SLCO6A1: variants seen among roughly 807,000 people sequenced by gnomAD.
The protein encoded by SLCO6A1 is solute carrier organic anion transporter family member 6A1.
Under a neutral mutation model 72.7 loss-of-function variants are expected in SLCO6A1, and 65 were observed. That is an observed-to-expected ratio of 0.89 (90% confidence interval 0.73 to 1.10). The LOEUF (loss-of-function observed/expected upper bound fraction) is 1.10. SLCO6A1 is among the 50% of genes least tolerant of loss of function. SLCO6A1 has a pLI of 0.00. For missense variants in SLCO6A1, 874 were observed against 872.6 expected (o/e 1.00, Z -0.02); for synonymous variants, 314 against 298.2 (o/e 1.05, Z -0.55).
chr5:102,412,290 A>T (rs1051236884), intron 9 of SLCO6A1, among the ~76,000 whole-genome samples: 1 of 152,108 alleles, frequency 6.6e-6, no homozygotes, highest in Admixed American at 6.5e-5. Flanking sequence ...GACCACCTTG[A>T]GCACACGTTC....
chr5:102,446,273 TA>T (rs1370882395), intron 6 of SLCO6A1, among the ~76,000 whole-genome samples: 1 of 152,204 alleles, frequency 6.6e-6, no homozygotes, highest in African/African-American at 2.4e-5. Context: ...GTTCTCCTTG[TA>T]CGGATCTTTG....
chr5:102,422,622 C>G (rs1748669502), intron 7 of SLCO6A1, among the ~76,000 whole-genome samples: 1 of 151,996 alleles, frequency 6.6e-6, no homozygotes, highest in Non-Finnish European at 1.5e-5. Flanking sequence ...ATATGGGACT[C>G]TATGAAAAGA....
intron 10 of SLCO6A1, among the ~76,000 whole-genome samples, chr5:102,395,671 T>C (rs1747031893): frequency 6.6e-6 from 1 of 152,216 alleles, no homozygotes; most frequent in Non-Finnish European, 1.5e-5. Context: ...TGTAAAAGTG[T>C]TGCTATTTCT....
intron 9 of SLCO6A1, among the ~76,000 whole-genome samples, chr5:102,400,453 T>C (rs145799844): frequency 0.01 from 1,562 of 152,094 alleles, 29 homozygotes; most frequent in Admixed American, 0.042. Flanking sequence ...GTGTCTAGAG[T>C]CAATGAGATT....
Position 102,498,770 on chromosome 5 carries a change from C to G in SLCO6A1, c.75G>C (p.Ala25=). The G allele has an allele frequency of 6.2e-7, 1 of 1,614,140 alleles. No individual in the cohort carries two copies. The highest frequency in any genetic ancestry group is 8.5e-7 in the Non-Finnish European group (1 of 1,180,024). Residue 25 remains alanine, a synonymous_variant, in exon 1 of 14, where the codon GCG becomes GCC. Transcript: ENST00000506729. ...TCCTGTCCTTAGCAGGCTGGGCCCG[C>G]GCGGCCTCCAGCGGCTCTACTCCCC... is the stretch of plus-strand genomic sequence containing the variant. ...VSRGVEPLEA[A]RAQPAKDRRA...
chr5:102,451,429 C>A (rs751563273), intron 6 of SLCO6A1, among the ~76,000 whole-genome samples: 1 of 152,164 alleles, frequency 6.6e-6, no homozygotes, highest in African/African-American at 2.4e-5. Context: ...TGTGAGAGAA[C>A]CTGGCCTCCT....
intron 7 of SLCO6A1, among the ~76,000 whole-genome samples, chr5:102,436,623 C>T (rs915495764): frequency 2.8e-4 from 43 of 152,108 alleles, no homozygotes; most frequent in African/African-American, 1.0e-3. Flanking sequence ...CTTTGAGCTG[C>T]TAGAAATTTA....
intron 9 of SLCO6A1, among the ~76,000 whole-genome samples, chr5:102,407,499 C>T (rs1056966791): frequency 9.9e-5 from 15 of 152,250 alleles, no homozygotes; most frequent in East Asian, 1.9e-4. Flanking sequence ...AGAACCTTCC[C>T]GGGCTAAGCC....
At chr5:102,460,375 C>T (rs1023489662) in intron 4 of SLCO6A1, among the ~76,000 whole-genome samples, 1 of 152,144 alleles carries the variant, frequency 6.6e-6, no homozygotes, top group Non-Finnish European at 1.5e-5. Flanking sequence ...TCTTCATCTG[C>T]CTTTGTTCAC....
chr5:102,459,880 T>A, intron 4 of SLCO6A1, 103 bp from the exon 5 acceptor site: 27 of 798,854 alleles, frequency 3.4e-5, no homozygotes, highest in Non-Finnish European at 3.9e-5. Flanking sequence ...AGAGGGAGGG[T>A]TGGAGAGTGA....
At chr5:102,420,811 A>G (rs1211156237) in intron 7 of SLCO6A1, among the ~76,000 whole-genome samples, 3 of 152,276 alleles carry the variant, frequency 2.0e-5, no homozygotes, top group East Asian at 3.9e-4. Flanking sequence ...AAAATAAACA[A>G]TTTTAGAATG....
chr5:102,413,950 T>A (rs1748131012), intron 8 of SLCO6A1, among the ~76,000 whole-genome samples: 1 of 152,128 alleles, frequency 6.6e-6, no homozygotes. Context: ...TTTTGTTGGA[T>A]TGCTTATTTT....
intron 4 of SLCO6A1, among the ~76,000 whole-genome samples, chr5:102,472,419 T>G (rs1751675089): frequency 6.6e-6 from 1 of 152,090 alleles, no homozygotes; most frequent in African/African-American, 2.4e-5. Flanking sequence ...TTCCTTCATA[T>G]GAACTCAGAA....
At chr5:102,471,658 C>T (rs948254500) in intron 4 of SLCO6A1, among the ~76,000 whole-genome samples, 2 of 152,026 alleles carry the variant, frequency 1.3e-5, no homozygotes, top group Non-Finnish European at 2.9e-5. Context: ...TCCAATTTAT[C>T]CCTAGCAAGA....
At chr5:102,441,165 A>C (rs1749812176) in intron 6 of SLCO6A1, among the ~76,000 whole-genome samples, 1 of 152,178 alleles carries the variant, frequency 6.6e-6, no homozygotes, top group Non-Finnish European at 1.5e-5. Flanking sequence ...AATCTTGTTT[A>C]ACATTTTCCC....
chr5:102,393,912 C>A lies in SLCO6A1; in HGVS notation c.1815-2867G>T, dbSNP rs75558602. Among the ~76,000 whole-genome samples, 1,101 of 152,292 alleles carry A rather than the reference C, an allele frequency of 7.2e-3. 12 individuals are homozygous for A. Among genetic ancestry groups the A allele is most frequent in the African/African-American group, 0.025 (1,031 of 41,556 alleles). On this transcript the variant is annotated intron_variant, in intron 10 of 13. Transcript: ENST00000506729. ...TTTATACTGAAGCCCTTCACTGCTT[C>A]AGATTTCAGCAAATTTCTCAAGAAG...
intron 7 of SLCO6A1, among the ~76,000 whole-genome samples, chr5:102,434,810 T>C (rs1312681119): frequency 6.6e-6 from 1 of 152,162 alleles, no homozygotes; most frequent in Non-Finnish European, 1.5e-5. Context: ...TAAAAACTAT[T>C]ACTATTTTTT....
At chr5:102,435,790 G>A (rs1430337177) in intron 7 of SLCO6A1, among the ~76,000 whole-genome samples, 2 of 151,808 alleles carry the variant, frequency 1.3e-5, no homozygotes, top group South Asian at 2.1e-4. Flanking sequence ...CAGGAGAATC[G>A]CTTGAACCTG....
rs552229087 is a variant in SLCO6A1 at position 102,414,857 on chromosome 5, G to A, written c.1473-1714C>T. Among the ~76,000 whole-genome samples the A allele has an allele frequency of 4.6e-5, 7 of 151,978 alleles. No homozygotes were observed. In the South Asian group the frequency reaches 8.3e-4, roughly 18 times the overall value. Reference sequence around the variant, plus strand: ...TTGCAGTGAGCTGAGATTGTACCACGGCACTGCAGCCTGGGCAAAAAGAGT... The same window carrying A: ...TTGCAGTGAGCTGAGATTGTACCACAGCACTGCAGCCTGGGCAAAAAGAGT... On this transcript the variant is annotated intron_variant, in intron 8 of 13. Transcript: ENST00000506729.
Sources: allele counts gnomAD v4.1 joint callset (sites outside exome capture counted in the v4.1 genomes callset), GRCh38; gene constraint gnomAD v4.1.1; transcripts MANE v1.5; gene names NCBI Gene and HGNC (gene_info 2026-07-23, HGNC 2026-07-21).